OR7A10: variants seen among roughly 807,000 people sequenced by gnomAD.
The protein encoded by OR7A10 is olfactory receptor family 7 subfamily A member 10, also known as olfactory receptor 7A10.
For synonymous variants in OR7A10, 144 were observed against 144.5 expected, an observed-to-expected ratio of 1.00 and a Z score of 0.02; for missense variants, 358 against 370.1, an observed-to-expected ratio of 0.97 and a Z score of 0.27.
intron 1 of OR7A10, among the ~76,000 whole-genome samples, chr19:14,844,795 TG>T (rs2044933438): frequency 6.6e-6 from 1 of 151,388 alleles, no homozygotes; most frequent in Non-Finnish European, 1.5e-5. Flanking sequence ...CCTGAGTAGC[TG>T]GGATTATAGG....
At chr19:14,846,975 G>C (rs528205215) in intron 1 of OR7A10, among the ~76,000 whole-genome samples, 1 of 152,322 alleles carries the variant, frequency 6.6e-6, no homozygotes, top group South Asian at 2.1e-4. Context: ...GAGACACAAT[G>C]TGACCGATGG....
intron 1 of OR7A10, among the ~76,000 whole-genome samples, chr19:14,845,213 G>T (rs1223323973): frequency 6.6e-6 from 1 of 151,858 alleles, no homozygotes; most frequent in African/African-American, 2.4e-5. Flanking sequence ...GGTGGCTCAC[G>T]CCTGTAATCC....
rs867169320 is a variant in OR7A10 at position 14,841,564 on chromosome 19, A to G, written c.314T>C (p.Leu105Ser). Residue 105 changes from leucine to serine, a missense_variant, in exon 2 of 2, where the codon TTA becomes TCA. Physicochemically the swap from Leu to Ser is moderately radical, Grantham distance 145. Coordinates refer to ENST00000641129, the MANE Select transcript of OR7A10 (RefSeq NM_001005190.2). ...AGCITQMCFF[L>S]LFVGLDNFLL... Reference sequence around the variant, plus strand: ...GAAGTTATCCAATCCTACAAAGAGTAAGAAAAAGCACATCTGGGTGATGCA... The same window carrying G: ...GAAGTTATCCAATCCTACAAAGAGTGAGAAAAAGCACATCTGGGTGATGCA... 6.2e-7 allele frequency: 1 copy of G among 1,614,230 alleles called. No individual in the cohort carries two copies. The highest frequency in any genetic ancestry group is 8.5e-7 in the Non-Finnish European group (1 of 1,180,038).
At chr19:14,844,903 T>A (rs2044934154) in intron 1 of OR7A10, among the ~76,000 whole-genome samples, 1 of 151,672 alleles carries the variant, frequency 6.6e-6, no homozygotes, top group Non-Finnish European at 1.5e-5. Context: ...CCTCAGGGGA[T>A]CTGCCCACCT....
At chr19:14,845,099 A>AC in intron 1 of OR7A10, among the ~76,000 whole-genome samples, 1 of 148,294 alleles carries the variant, frequency 6.7e-6, no homozygotes, top group Non-Finnish European at 1.5e-5. Flanking sequence ...ACACACACAC[A>AC]ATGCATACAC....
Position 14,841,848 on chromosome 19 carries a change from TA to T in OR7A10, c.29del (p.Leu10Ter). 1 of 1,612,452 alleles carries T rather than the reference TA, an allele frequency of 6.2e-7. No individual in the cohort carries two copies. Among genetic ancestry groups the T allele is most frequent in the South Asian group, 1.1e-5 (1 of 90,872 alleles). On this transcript the variant is annotated frameshift_variant, in exon 2 of 2. Coordinates refer to ENST00000641129, the MANE Select transcript of OR7A10 (RefSeq NM_001005190.2). LOFTEE classifies it low-confidence loss of function (END_TRUNC). MKSWNNTII[L>X]EFLLLGISEE... ...CTGAAATTCCCAGGAGAAGAAATTCTAAAATTATTGTATTGTTCCATGATTT... is the reference window on the plus strand; with the variant it reads ...CTGAAATTCCCAGGAGAAGAAATTCTAAATTATTGTATTGTTCCATGATTT...
chr19:14,841,607 C>A lies in OR7A10; in HGVS notation c.271G>T (p.Val91Phe). ...MLVNIQTHNK[V>F]ITYAGCITQM... ...GTGATGCAGCCTGCATAGGTGATGACTTTGTTGTGTGTCTGGATGTTCACC... is the reference window on the plus strand; with the variant it reads ...GTGATGCAGCCTGCATAGGTGATGAATTTGTTGTGTGTCTGGATGTTCACC... The change falls in exon 2 of 2, where the codon GTC becomes TTC. Residue 91 changes from valine (V) to phenylalanine (F), a missense_variant. By Grantham distance (50) the Val-to-Phe change is conservative (BLOSUM62 -1). Transcript: ENST00000641129. 1 of 1,614,108 alleles carries A rather than the reference C, an allele frequency of 6.2e-7. No individual in the cohort carries two copies. Among genetic ancestry groups the A allele is most frequent in the Non-Finnish European group, 8.5e-7 (1 of 1,180,034 alleles).
At chr19:14,843,835 T>A (rs182202759) in intron 1 of OR7A10, among the ~76,000 whole-genome samples, 1 of 152,244 alleles carries the variant, frequency 6.6e-6, no homozygotes, top group Non-Finnish European at 1.5e-5. Context: ...CACCACATGT[T>A]CTCACTTATA....
intron 1 of OR7A10, 144 bp downstream of exon 1, chr19:14,848,356 T>C (rs2044953231): frequency 6.6e-6 from 1 of 152,286 alleles, no homozygotes; most frequent in South Asian, 2.1e-4. Flanking sequence ...TAAATGAAGA[T>C]ATGAATCAAT....
chr19:14,842,305 G>GC (rs2044919730), intron 1 of OR7A10, among the ~76,000 whole-genome samples: 1 of 152,218 alleles, frequency 6.6e-6, no homozygotes, highest in African/African-American at 2.4e-5. Context: ...AAGCTGGAGT[G>GC]CAGTGGTGCA....
Position 14,841,597 on chromosome 19 carries a change from T to A in OR7A10, c.281A>T (p.Tyr94Phe). The change falls in exon 2 of 2, where the codon TAT becomes TTT. Residue 94 changes from tyrosine (Y) to phenylalanine (F), a missense_variant. By Grantham distance (22) the Tyr-to-Phe change is conservative. Transcript: ENST00000641129. ...GCACATCTGGGTGATGCAGCCTGCA[T>A]AGGTGATGACTTTGTTGTGTGTCTG... ...NIQTHNKVIT[Y>F]AGCITQMCFF... 1 of 1,614,184 alleles carries A rather than the reference T, an allele frequency of 6.2e-7. No individual in the cohort carries two copies. The highest frequency in any genetic ancestry group is 8.5e-7 in the Non-Finnish European group (1 of 1,180,044).
intron 1 of OR7A10, among the ~76,000 whole-genome samples, chr19:14,843,027 C>G (rs139080547): frequency 6.6e-6 from 1 of 152,104 alleles, no homozygotes; most frequent in Non-Finnish European, 1.5e-5. Flanking sequence ...GCAAAGGACA[C>G]GAGCAGACAC....
intron 1 of OR7A10, among the ~76,000 whole-genome samples, chr19:14,846,706 T>G (rs1382403496): frequency 8.5e-5 from 1 of 11,772 alleles, no homozygotes; most frequent in African/African-American, 3.1e-4. Flanking sequence ...CGAGACTCCA[T>G]CTCAAAAAAA....
In OR7A10 at chr19:14,848,720, CAG is replaced by C. The variant is rs1434548508; in HGVS notation, c.-235_-234del. 6.6e-6 allele frequency: 1 copy of C among 152,234 alleles called. No homozygotes were observed. The highest frequency in any genetic ancestry group is 1.5e-5 in the Non-Finnish European group (1 of 68,050). The allele number at this position is 152,234 out of a possible 1,614,324, so 9.4% of individuals were successfully genotyped here. A position where few individuals can be genotyped will look rare whatever the true frequency, so the allele number is the denominator to read the frequency against. On this transcript the variant is annotated 5_prime_UTR_variant, in exon 1 of 2. It removes the in-frame stop codon of an upstream open reading frame in the 5' UTR. Coordinates refer to ENST00000641129, the MANE Select transcript of OR7A10 (RefSeq NM_001005190.2). The stretch of plus-strand genomic sequence containing the variant: ...GGGACACCTGCAGCGGAGAAATTTA[CAG>C]CTTCATATGCCTGCTCATTGGAGAC...
At position 14,841,060 on chromosome 19, in the gene OR7A10, G is replaced by T. The variant is rs1233184165; in HGVS notation, c.818C>A (p.Ala273Glu). Residue 273 changes from alanine (A) to glutamate (E), a missense_variant, in exon 2 of 2, where the codon GCA (alanine) becomes GAA (glutamate). Coordinates refer to ENST00000641129, the MANE Select transcript of OR7A10 (RefSeq NM_001005190.2). ...GACCACAGTGTACATCACTGAGGCT[G>T]CAGCACCTGTGTGTGAATTGTGGGT... ...AATHNSHTGA[A>E]ASVMYTVVTP... 2 of 1,614,098 alleles carry T rather than the reference G, an allele frequency of 1.2e-6. No individual in the cohort carries two copies. Among genetic ancestry groups the T allele is most frequent in the Non-Finnish European group, 1.7e-6 (2 of 1,179,980 alleles).
In OR7A10 at chr19:14,841,147, T is replaced by C. The variant is rs768232656; in HGVS notation, c.731A>G (p.His244Arg). 2.5e-6 allele frequency: 4 copies of C among 1,613,472 alleles called. No individual in the cohort carries two copies. The highest frequency in any genetic ancestry group is 3.4e-6 in the Non-Finnish European group (4 of 1,179,838). Residue 244 changes from histidine (H) to arginine (R), a missense_variant, in exon 2 of 2, where the codon CAC becomes CGC. By Grantham distance (29) the His-to-Arg change is conservative. Transcript: ENST00000641129. The stretch of plus-strand genomic sequence containing the variant: ...ATAAAATAAGGAGACAACTGAGAGG[T>C]GAGATGCACAGGTGGAAAATGCCTT... ...KYKAFSTCAS[H>R]LSVVSLFYGT... is the part of the protein sequence containing the mutation.
rs558959135 is a variant in OR7A10 at position 14,841,902 on chromosome 19, G to C, written c.-12-13C>G. On this transcript the variant is annotated splice_polypyrimidine_tract_variant and intron_variant, in intron 1 of 1. Transcript: ENST00000641129. ...TCTTGTGATGTGACTACCAGAGAGA[G>C]AGAGAGAGAGAGAGAGAGAGTGAAA... The C allele has an allele frequency of 4.2e-6, 6 of 1,413,246 alleles. No individual in the cohort carries two copies. Among genetic ancestry groups the C allele is most frequent in the Admixed American group, 2.1e-5 (1 of 48,342 alleles). 87.5% of individuals were successfully genotyped at this position (1,413,246 alleles called of 1,614,324 possible). A position where few individuals can be genotyped will look rare whatever the true frequency, so the allele number is the denominator to read the frequency against.
rs372773011 is a variant in OR7A10, at chr19:14,846,168, C to T, written c.-13+2332G>A. ...AGACTCCGTCTTAAAGAAAAAATTC[C>T]AAAATGTTTTTGTAGCATTTATAGG... On this transcript the variant is annotated intron_variant, in intron 1 of 1. Coordinates refer to ENST00000641129, the MANE Select transcript of OR7A10 (RefSeq NM_001005190.2). 8.8e-4 allele frequency among the ~76,000 whole-genome samples: 134 copies of T among 151,934 alleles called. 2 individuals carry two copies. In the South Asian group the frequency reaches 0.027, roughly 31 times the overall value.
rs2044904107 is a variant in OR7A10, at chr19:14,840,468, T to C, written c.*480A>G. On this transcript the variant is annotated 3_prime_UTR_variant, in exon 2 of 2. Coordinates refer to ENST00000641129, the MANE Select transcript of OR7A10 (RefSeq NM_001005190.2). ...AACAACTGAAGATAAAGTAAATACA[T>C]ATATTGTTCACTTGTCAACACTTTG... 6.5e-6 allele frequency: 1 copy of C among 154,480 alleles called. No individual in the cohort carries two copies. The highest frequency in any genetic ancestry group is 1.9e-4 in the East Asian group (1 of 5,202). The allele number at this position is 154,480 out of a possible 1,614,324, so 9.6% of individuals were successfully genotyped here.
Sources: allele counts gnomAD v4.1 joint callset (sites outside exome capture counted in the v4.1 genomes callset), GRCh38; gene constraint gnomAD v4.1.1; transcripts MANE v1.5; gene names NCBI Gene and HGNC (gene_info 2026-07-23, HGNC 2026-07-21).